DSCAM: variants seen among roughly 807,000 people sequenced by gnomAD.
DSCAM encodes the protein DS cell adhesion molecule.
In DSCAM, 47 loss-of-function variants were observed where a neutral mutation model predicts 217.7. The ratio of observed to expected loss-of-function variants is 0.22; its 90% CI spans 0.17 to 0.28. DSCAM has a LOEUF of 0.28. Among genes scored for constraint, DSCAM ranks in the 10% least tolerant of loss-of-function variants. DSCAM has a pLI of 1.00. For missense variants in DSCAM, 2,080 were observed against 2,618.3 expected (o/e 0.79, Z 4.49); for synonymous variants, 1,056 against 1,015.3 (o/e 1.04, Z -0.76).
chr21:40,353,592 C>T lies in DSCAM; in HGVS notation c.807G>A (p.Gly269=), dbSNP rs1365251037. 9 of 1,610,544 alleles carry T rather than the reference C, an allele frequency of 5.6e-6. No individual in the cohort carries two copies. Among genetic ancestry groups the T allele is most frequent in the Non-Finnish European group, 7.6e-6 (9 of 1,179,198 alleles). The stretch of plus-strand genomic sequence containing the variant: ...GCCCCGTCACGGTCTTCTGGAACCT[C>T]CCTGAAAGTTCCAGGGGCATGTTGT... ...LKDNMPLELS[G]RFQKTVTGLL... is the part of the protein sequence containing the mutation. Residue 269 remains glycine (G), a synonymous_variant, in exon 5 of 33, where the codon GGG becomes GGA. Coordinates refer to ENST00000400454, the MANE Select transcript of DSCAM (RefSeq NM_001389.5).
At chr21:40,461,955 G>A (rs1002282111) in intron 3 of DSCAM, among the ~76,000 whole-genome samples, 4 of 152,162 alleles carry the variant, frequency 2.6e-5, no homozygotes, top group South Asian at 2.1e-4. Flanking sequence ...AGCATTTAAC[G>A]CTCTGGACTT....
At chr21:40,529,746 C>A (rs2076428582) in intron 3 of DSCAM, among the ~76,000 whole-genome samples, 1 of 152,082 alleles carries the variant, frequency 6.6e-6, no homozygotes, top group African/African-American at 2.4e-5. Flanking sequence ...ACCTCCTTTT[C>A]TTTTTAGATG....
intron 11 of DSCAM, among the ~76,000 whole-genome samples, chr21:40,218,133 T>G (rs2091259948): frequency 6.6e-6 from 1 of 152,054 alleles, no homozygotes; most frequent in Admixed American, 6.6e-5. Flanking sequence ...TGGTTTTGGG[T>G]TTTACGTCTT....
chr21:40,533,613 C>T (rs968469086), intron 3 of DSCAM, among the ~76,000 whole-genome samples: 7 of 145,988 alleles, frequency 4.8e-5, no homozygotes, highest in African/African-American at 1.5e-4. Flanking sequence ...GTCCATCCAT[C>T]CATCCATCCA....
intron 3 of DSCAM, among the ~76,000 whole-genome samples, chr21:40,603,925 C>CTTTTTTT (rs3070814): frequency 2.1e-5 from 2 of 97,322 alleles, no homozygotes; most frequent in Non-Finnish European, 4.0e-5. Context: ...TTTTGCATTT[C>CTTTTTTT]TTTTTTTTTT....
At chr21:40,480,847 A>G (rs1186886366) in intron 3 of DSCAM, among the ~76,000 whole-genome samples, 2 of 152,216 alleles carry the variant, frequency 1.3e-5, no homozygotes, top group Non-Finnish European at 2.9e-5. Context: ...AGGCACTCTA[A>G]ATATCAATAT....
At chr21:40,716,312 C>T (rs558775119) in intron 1 of DSCAM, among the ~76,000 whole-genome samples, 4 of 152,220 alleles carry the variant, frequency 2.6e-5, no homozygotes, top group African/African-American at 7.2e-5. Flanking sequence ...TTATAGAGTG[C>T]CTCCTGCTCT....
intron 11 of DSCAM, among the ~76,000 whole-genome samples, chr21:40,197,261 G>A (rs1281124655): frequency 6.6e-6 from 1 of 152,086 alleles, no homozygotes; most frequent in Non-Finnish European, 1.5e-5. Flanking sequence ...TGGGACTACA[G>A]GCGCCCACAA....
chr21:40,600,631 C>G (rs985231425), intron 3 of DSCAM, among the ~76,000 whole-genome samples: 1 of 152,090 alleles, frequency 6.6e-6, no homozygotes. Flanking sequence ...CCTATATTAT[C>G]TTTTAGTAGT....
At chr21:40,254,212 T>G (rs977634458) in intron 11 of DSCAM, among the ~76,000 whole-genome samples, 2 of 152,184 alleles carry the variant, frequency 1.3e-5, no homozygotes, top group Non-Finnish European at 2.9e-5. Flanking sequence ...GACAGAGCCT[T>G]TGTTTTGCAT....
intron 3 of DSCAM, among the ~76,000 whole-genome samples, chr21:40,405,778 C>A (rs1210598839): frequency 6.6e-6 from 1 of 152,136 alleles, no homozygotes; most frequent in Non-Finnish European, 1.5e-5. Context: ...AGGTGGATCA[C>A]TTGAGGTCAG....
At chr21:40,238,606 T>C (rs924770324) in intron 11 of DSCAM, among the ~76,000 whole-genome samples, 1 of 152,204 alleles carries the variant, frequency 6.6e-6, no homozygotes, top group South Asian at 2.1e-4. Flanking sequence ...TTCTCTCACA[T>C]GTGCCATAGC....
chr21:40,364,749 C>CACAG (rs1243749264), intron 4 of DSCAM, among the ~76,000 whole-genome samples: 1 of 141,852 alleles, frequency 7.0e-6, no homozygotes, highest in African/African-American at 2.7e-5. Flanking sequence ...TATACACACA[C>CACAG]TAGTATATAT....
chr21:40,738,611 T>C (rs1019740793), intron 1 of DSCAM, among the ~76,000 whole-genome samples: 3 of 152,126 alleles, frequency 2.0e-5, no homozygotes, highest in African/African-American at 7.2e-5. Context: ...TTTTTCAAAG[T>C]GGAGGTCAAT....
At chr21:40,398,637 C>CTTT (rs538905441) in intron 3 of DSCAM, among the ~76,000 whole-genome samples, 8 of 132,098 alleles carry the variant, frequency 6.1e-5, no homozygotes, top group Non-Finnish European at 9.5e-5. Context: ...TTTTTTCTTT[C>CTTT]TTTTTTTTTT....
intron 16 of DSCAM, among the ~76,000 whole-genome samples, chr21:40,153,486 C>T (rs1477680863): frequency 6.6e-6 from 1 of 152,160 alleles, no homozygotes. Flanking sequence ...AGAAGACACC[C>T]AGGAATGGAG....
At chr21:40,177,735 G>C (rs897020989) in intron 15 of DSCAM, among the ~76,000 whole-genome samples, 25 of 152,224 alleles carry the variant, frequency 1.6e-4, no homozygotes, top group African/African-American at 5.1e-4. Context: ...TAAACACATA[G>C]TGAGAGATAT....
At chr21:40,671,642 T>C (rs2090276071) in intron 3 of DSCAM, among the ~76,000 whole-genome samples, 1 of 144,628 alleles carries the variant, frequency 6.9e-6, no homozygotes, top group Admixed American at 7.0e-5. Context: ...TGAGCCGAGA[T>C]TGCACTACTG....
At chr21:40,403,360 C>CA (rs2075254390) in intron 3 of DSCAM, among the ~76,000 whole-genome samples, 1 of 150,672 alleles carries the variant, frequency 6.6e-6, no homozygotes, top group African/African-American at 2.4e-5. Flanking sequence ...TGCAGTGATG[C>CA]AATCTCAGCT....
Sources: allele counts gnomAD v4.1 joint callset (sites outside exome capture counted in the v4.1 genomes callset), GRCh38; gene constraint gnomAD v4.1.1; transcripts MANE v1.5; gene names NCBI Gene and HGNC (gene_info 2026-07-23, HGNC 2026-07-21).